CEP85L: variants seen among roughly 807,000 people sequenced by gnomAD.
CEP85L encodes centrosomal protein 85L.
In CEP85L, 60 loss-of-function variants were observed where a neutral mutation model predicts 100.3. The ratio of observed to expected loss-of-function variants is 0.60; its 90% CI spans 0.49 to 0.74. The LOEUF is 0.74. Among genes scored for constraint, CEP85L ranks in the 30% least tolerant of loss-of-function variants. The pLI is 0.00. For missense variants in CEP85L, 973 were observed against 936.2 expected (o/e 1.04, Z -0.51); for synonymous variants, 319 against 322.7 (o/e 0.99, Z 0.12).
intron 1 of CEP85L, among the ~76,000 whole-genome samples, chr6:118,683,939 C>G (rs1776747723): frequency 6.6e-6 from 1 of 152,102 alleles, no homozygotes; most frequent in Non-Finnish European, 1.5e-5. Flanking sequence ...TCTCTTTTTG[C>G]CTTGCCAAAC....
At chr6:118,505,121 A>G (rs188729336) in intron 5 of CEP85L, among the ~76,000 whole-genome samples, 10 of 152,202 alleles carry the variant, frequency 6.6e-5, no homozygotes, top group Non-Finnish European at 1.0e-4. Context: ...TGCTCTAAAA[A>G]ATAAAATTCA....
chr6:118,493,981 A>T (rs1362035329), intron 5 of CEP85L, among the ~76,000 whole-genome samples: 1 of 152,190 alleles, frequency 6.6e-6, no homozygotes, highest in African/African-American at 2.4e-5. Context: ...TAAAAAAAAT[A>T]AAATAAAAAG....
chr6:118,598,576 T>A (rs1022102376), intron 2 of CEP85L, among the ~76,000 whole-genome samples: 2 of 152,148 alleles, frequency 1.3e-5, no homozygotes, highest in Non-Finnish European at 2.9e-5. Context: ...ACTGGAGTTA[T>A]GGTGCCACAA....
chr6:118,597,745 G>A (rs1483915276), intron 2 of CEP85L, among the ~76,000 whole-genome samples: 2 of 152,118 alleles, frequency 1.3e-5, no homozygotes, highest in South Asian at 2.1e-4. Flanking sequence ...AAAAGATAAC[G>A]ACTATAGTCA....
intron 2 of CEP85L, among the ~76,000 whole-genome samples, chr6:118,566,611 G>A (rs979443463): frequency 6.6e-6 from 1 of 152,104 alleles, no homozygotes; most frequent in African/African-American, 2.4e-5. Context: ...TAGAGACGGG[G>A]CTTTGCCATG....
intron 2 of CEP85L, among the ~76,000 whole-genome samples, chr6:118,600,302 TGTGTGTGTGTG>T (rs1781691792): frequency 1.2e-4 from 2 of 16,966 alleles, no homozygotes; most frequent in African/African-American, 3.7e-4. Flanking sequence ...TTCCTGGGGG[TGTGTGTGTGTG>T]TGTGTGTGTG....
chr6:118,475,051 T>C (rs1046163371), intron 10 of CEP85L, among the ~76,000 whole-genome samples: 11 of 152,354 alleles, frequency 7.2e-5, no homozygotes, highest in South Asian at 4.1e-4. Context: ...AACTGAATGA[T>C]TGGCTACAAT....
intron 2 of CEP85L, among the ~76,000 whole-genome samples, chr6:118,600,296 T>TGGGGGGGGGGGGGGGG (rs1554228034): frequency 2.9e-5 from 1 of 34,174 alleles, no homozygotes; most frequent in Non-Finnish European, 6.9e-5. Flanking sequence ...TGAGCCTTCC[T>TGGGGGGGGGGGGGGGG]GGGGGTGTGT....
chr6:118,563,640 G>A (rs1426285221), intron 3 of CEP85L, among the ~76,000 whole-genome samples: 1 of 152,102 alleles, frequency 6.6e-6, no homozygotes, highest in Middle Eastern at 3.4e-3. Context: ...TTTTAGAGAC[G>A]GGGTCTGGCC....
At chr6:118,516,397 C>T (rs986312945) in intron 4 of CEP85L, among the ~76,000 whole-genome samples, 1 of 152,238 alleles carries the variant, frequency 6.6e-6, no homozygotes, top group Non-Finnish European at 1.5e-5. Flanking sequence ...TATCTCTCCA[C>T]ATCCTCTCCA....
chr6:118,547,749 CA>C (rs1562249148), intron 3 of CEP85L, among the ~76,000 whole-genome samples: 1 of 151,898 alleles, frequency 6.6e-6, no homozygotes, highest in East Asian at 1.9e-4. Flanking sequence ...TTTTTTAAAA[CA>C]AAAAGCAATT....
At chr6:118,580,630 G>A (rs9489448) in intron 2 of CEP85L, among the ~76,000 whole-genome samples, 107,834 of 152,068 alleles carry the variant, frequency 0.71, 38,957 homozygotes, top group African/African-American at 0.75. Context: ...AGACCTCGCC[G>A]TTGCGCAAGG....
At chr6:118,468,208 G>C (rs1772676332) in intron 12 of CEP85L, among the ~76,000 whole-genome samples, 1 of 152,102 alleles carries the variant, frequency 6.6e-6, no homozygotes, top group East Asian at 1.9e-4. Flanking sequence ...AGCATTATTT[G>C]ATTTGCCAAA....
At chr6:118,524,315 G>A (rs1440122354) in intron 3 of CEP85L, among the ~76,000 whole-genome samples, 1 of 152,084 alleles carries the variant, frequency 6.6e-6, no homozygotes, top group East Asian at 1.9e-4. Context: ...GTGGTGGCAG[G>A]CGCCTGTAGT....
intron 2 of CEP85L, among the ~76,000 whole-genome samples, chr6:118,600,370 T>TGTGTGTGTGTG (rs58066356): frequency 4.6e-5 from 4 of 86,364 alleles, no homozygotes; most frequent in Non-Finnish European, 1.0e-4. Context: ...TGTGTGTGTG[T>TGTGTGTGTGTG]AACGCCATGG....
chr6:118,614,849 TAGAC>T (rs61384909), intron 2 of CEP85L, among the ~76,000 whole-genome samples: 68 of 146,732 alleles, frequency 4.6e-4, no homozygotes, highest in Middle Eastern at 3.4e-3. Context: ...CATTCATTCA[TAGAC>T]AGACAGACAG....
At chr6:118,559,136 T>C (rs1779081734) in intron 3 of CEP85L, 1 of 1,290,222 alleles carries the variant, frequency 7.8e-7, no homozygotes, top group South Asian at 1.2e-5. Flanking sequence ...AAATCTGTCA[T>C]CCCATGCAGA....
At chr6:118,629,181 A>G (rs1773988975) in intron 2 of CEP85L, among the ~76,000 whole-genome samples, 1 of 152,022 alleles carries the variant, frequency 6.6e-6, no homozygotes, top group Non-Finnish European at 1.5e-5. Context: ...ATACTACACT[A>G]TTCTATATAA....
chr6:118,701,663 T>G (rs2114362032), intron 1 of CEP85L, among the ~76,000 whole-genome samples: 1 of 152,264 alleles, frequency 6.6e-6, no homozygotes, highest in East Asian at 1.9e-4. Context: ...TGAAAAACTG[T>G]TGGGTGCTAT....
Sources: gnomAD v4.1 joint callset for allele counts (sites outside exome capture counted in the v4.1 genomes callset) on GRCh38, gnomAD v4.1.1 for gene constraint, MANE v1.5 for transcripts, NCBI Gene and HGNC (gene_info 2026-07-23, HGNC 2026-07-21) for gene names.